PSMA1: variants seen among roughly 807,000 people sequenced by gnomAD.
PSMA1 encodes the protein proteasome 20S subunit alpha 1.
A neutral mutation model predicts 38.4 loss-of-function variants in PSMA1; 3 were observed. The observed-to-expected ratio is 0.08, with a 90% CI of 0.04 to 0.20. The LOEUF is 0.20. Among genes scored for constraint, PSMA1 ranks in the 10% least tolerant of loss-of-function variants. The pLI, the probability that PSMA1 is intolerant of heterozygous loss-of-function variation, is 1.00. For missense variants in PSMA1, 227 were observed against 325.3 expected (o/e 0.70, Z 2.32); for synonymous variants, 101 against 107.1 (o/e 0.94, Z 0.35).
intron 2 of PSMA1, among the ~76,000 whole-genome samples, chr11:14,572,692 C>CA (rs1229632078): frequency 6.6e-6 from 1 of 151,990 alleles, no homozygotes. Flanking sequence ...GATAGAGACA[C>CA]AAAAAACCCT....
chr11:14,629,966 G>A (rs903895431), intron 1 of PSMA1, among the ~76,000 whole-genome samples: 197 of 152,134 alleles, frequency 1.3e-3, no homozygotes, highest in Middle Eastern at 6.8e-3. Flanking sequence ...TTGGCTCTCC[G>A]TCTGTTGTTG....
chr11:14,577,398 A>G (rs1852231662), intron 2 of PSMA1, among the ~76,000 whole-genome samples: 1 of 152,080 alleles, frequency 6.6e-6, no homozygotes, highest in Non-Finnish European at 1.5e-5. Context: ...CTTTAATACT[A>G]CTACTAATTT....
At chr11:14,564,847 C>T (rs909643800) in intron 2 of PSMA1, among the ~76,000 whole-genome samples, 3 of 151,548 alleles carry the variant, frequency 2.0e-5, no homozygotes, top group Middle Eastern at 3.4e-3. Flanking sequence ...GGTGCAATCA[C>T]AGCTCACTGC....
Position 14,633,965 on chromosome 11 carries a change from C to G in PSMA1, c.-166+9490G>C, listed in dbSNP as rs189655046. ...GGAACTCCCTGACCCCTTGCGCTTC[C>G]CAAGTGAGGCAATGCCTCGCCCTGC... On this transcript the variant is annotated intron_variant, in intron 1 of 10. Transcript: ENST00000418988. 9.7e-3 allele frequency among the ~76,000 whole-genome samples: 1,478 copies of G among 152,322 alleles called. 22 individuals are homozygous for G. The highest frequency in any genetic ancestry group is 0.034 in the African/African-American group (1,401 of 41,560).
chr11:14,634,162 C>T (rs1445760651), intron 1 of PSMA1, among the ~76,000 whole-genome samples: 1 of 152,190 alleles, frequency 6.6e-6, no homozygotes, highest in East Asian at 1.9e-4. Context: ...CTTGGCTCCT[C>T]TGATGGAATA....
At chr11:14,580,250 C>A (rs1158231062) in intron 2 of PSMA1, among the ~76,000 whole-genome samples, 2 of 152,230 alleles carry the variant, frequency 1.3e-5, no homozygotes, top group African/African-American at 4.8e-5. Flanking sequence ...TCTCACCACT[C>A]TCCCTCAAAG....
intron 2 of PSMA1, among the ~76,000 whole-genome samples, chr11:14,575,407 C>T (rs1282869199): frequency 6.6e-6 from 1 of 151,998 alleles, no homozygotes; most frequent in South Asian, 2.1e-4. Flanking sequence ...TATCCCTCCC[C>T]CCTACCCCCA....
intron 1 of PSMA1, among the ~76,000 whole-genome samples, chr11:14,630,511 A>C (rs1168303670): frequency 1.3e-5 from 2 of 152,150 alleles, no homozygotes; most frequent in African/African-American, 4.8e-5. Flanking sequence ...CCCAGGGATG[A>C]AGCCCACTTG....
At chr11:14,518,004 A>C in intron 2 of PSMA1, 23 bp from the exon 3 acceptor site, 1 of 1,483,624 alleles carries the variant, frequency 6.7e-7, no homozygotes, top group Non-Finnish European at 9.2e-7. Flanking sequence ...AAAACAAAAA[A>C]CACACATCTT....
chr11:14,539,311 T>C (rs1261258239), intron 2 of PSMA1, among the ~76,000 whole-genome samples: 1 of 152,206 alleles, frequency 6.6e-6, no homozygotes, highest in East Asian at 1.9e-4. Flanking sequence ...GTCACTGTTA[T>C]TTTTAATTAT....
At chr11:14,639,927 T>C (rs2133728176) in intron 1 of PSMA1, among the ~76,000 whole-genome samples, 1 of 152,338 alleles carries the variant, frequency 6.6e-6, no homozygotes, top group African/African-American at 2.4e-5. Flanking sequence ...CTGAGGATTA[T>C]TACCTCTGTA....
chr11:14,545,794 G>A (rs935587023), intron 2 of PSMA1, among the ~76,000 whole-genome samples: 3 of 152,184 alleles, frequency 2.0e-5, no homozygotes, highest in African/African-American at 7.2e-5. Context: ...TTCCACTGGT[G>A]AAAGTCATAA....
chr11:14,611,779 T>C (rs941051354), intron 1 of PSMA1, among the ~76,000 whole-genome samples: 1 of 152,114 alleles, frequency 6.6e-6, no homozygotes, highest in African/African-American at 2.4e-5. Flanking sequence ...CCATGCTCTC[T>C]CTCTCTTCTC....
chr11:14,638,506 C>CCCCT (rs1554974706), intron 1 of PSMA1, among the ~76,000 whole-genome samples: 1 of 31,916 alleles, frequency 3.1e-5, no homozygotes, highest in Non-Finnish European at 5.5e-5. Flanking sequence ...GAGAAACACA[C>CCCCT]CTCTCTCTCT....
chr11:14,570,466 T>A (rs1425358558), intron 2 of PSMA1, among the ~76,000 whole-genome samples: 1 of 151,926 alleles, frequency 6.6e-6, no homozygotes, highest in Non-Finnish European at 1.5e-5. Context: ...CTAAAAACCT[T>A]GAAAAAAATT....
intron 1 of PSMA1, among the ~76,000 whole-genome samples, chr11:14,630,938 C>A (rs1192971465): frequency 1.3e-5 from 2 of 152,102 alleles, no homozygotes; most frequent in African/African-American, 4.8e-5. Flanking sequence ...TCTAGATTTT[C>A]TAGTTTATTT....
intron 8 of PSMA1, among the ~76,000 whole-genome samples, chr11:14,509,715 T>G (rs1382060008): frequency 2.9e-5 from 4 of 137,022 alleles, no homozygotes; most frequent in Admixed American, 7.4e-5. Flanking sequence ...AACCGGTTGT[T>G]TTTTTTTTTT....
chr11:14,593,499 A>T (rs552849428), intron 2 of PSMA1, among the ~76,000 whole-genome samples: 9 of 152,256 alleles, frequency 5.9e-5, no homozygotes, highest in Non-Finnish European at 1.3e-4. Context: ...AATTCAAGGC[A>T]TGTCACCTAA....
chr11:14,540,499 G>C (rs537825359), intron 2 of PSMA1, among the ~76,000 whole-genome samples: 1 of 152,114 alleles, frequency 6.6e-6, no homozygotes, highest in African/African-American at 2.4e-5. Context: ...ATTTCTGGAG[G>C]TAAATGTCTG....
Sources: allele counts gnomAD v4.1 joint callset (sites outside exome capture counted in the v4.1 genomes callset), GRCh38; gene constraint gnomAD v4.1.1; transcripts MANE v1.5; gene names NCBI Gene and HGNC (gene_info 2026-07-23, HGNC 2026-07-21).